CUX2: variants seen among roughly 807,000 people sequenced by gnomAD.
CUX2 encodes the protein cut like homeobox 2.
Under a neutral mutation model 144.8 loss-of-function variants are expected in CUX2, and 40 were observed. That is an observed-to-expected ratio of 0.28 (90% CI 0.21 to 0.36). CUX2 has a LOEUF of 0.36. CUX2 is among the 10% of genes least tolerant of loss of function. CUX2 has a pLI of 1.00. For missense variants in CUX2, 1,615 were observed against 1,994.0 expected (o/e 0.81, Z 3.62); for synonymous variants, 827 against 875.6 (o/e 0.94, Z 0.98).
chr12:111,081,736 G>A (rs996604402), intron 1 of CUX2, among the ~76,000 whole-genome samples: 3 of 152,204 alleles, frequency 2.0e-5, no homozygotes, highest in Non-Finnish European at 4.4e-5. Flanking sequence ...CTGTGGTGGT[G>A]ACCAGCCACT....
chr12:111,110,983 G>C (rs1465410976), intron 1 of CUX2, among the ~76,000 whole-genome samples: 2 of 152,194 alleles, frequency 1.3e-5, no homozygotes, highest in Non-Finnish European at 2.9e-5. Context: ...GGTGCCTCTT[G>C]CCAGAGAAAC....
intron 4 of CUX2, among the ~76,000 whole-genome samples, chr12:111,268,277 T>C (rs1884478448): frequency 6.6e-6 from 1 of 151,430 alleles, no homozygotes; most frequent in Non-Finnish European, 1.5e-5. Flanking sequence ...CAGGTTGAAG[T>C]ACAGTGGTGC....
At chr12:111,075,505 C>T (rs991440472) in intron 1 of CUX2, among the ~76,000 whole-genome samples, 3 of 152,030 alleles carry the variant, frequency 2.0e-5, no homozygotes, top group Non-Finnish European at 2.9e-5. Flanking sequence ...GTGCCTTCCC[C>T]GGCAATGGGT....
At chr12:111,122,501 C>G (rs1874752064) in intron 1 of CUX2, among the ~76,000 whole-genome samples, 1 of 152,124 alleles carries the variant, frequency 6.6e-6, no homozygotes, top group Non-Finnish European at 1.5e-5. Context: ...CTGGGAGATG[C>G]AAAGATAAAA....
At chr12:111,219,983 A>G (rs1177624791) in intron 3 of CUX2, among the ~76,000 whole-genome samples, 3 of 152,090 alleles carry the variant, frequency 2.0e-5, no homozygotes, top group Non-Finnish European at 4.4e-5. Flanking sequence ...AACTCTATTA[A>G]AAATACAAAA....
At chr12:111,225,467 G>A (rs1046158844) in intron 3 of CUX2, among the ~76,000 whole-genome samples, 10 of 152,210 alleles carry the variant, frequency 6.6e-5, no homozygotes, top group African/African-American at 1.9e-4. Context: ...TCTCAGCAAC[G>A]CAGCCAGGAA....
intron 1 of CUX2, among the ~76,000 whole-genome samples, chr12:111,188,438 C>T (rs1391660756): frequency 6.6e-6 from 1 of 152,128 alleles, no homozygotes; most frequent in Non-Finnish European, 1.5e-5. Flanking sequence ...GTGCAGAGCT[C>T]TGTGAAGGAA....
At chr12:111,148,377 G>A (rs772249332) in intron 1 of CUX2, among the ~76,000 whole-genome samples, 6 of 152,040 alleles carry the variant, frequency 3.9e-5, no homozygotes, top group Non-Finnish European at 7.4e-5. Context: ...GGCGGGTGGC[G>A]GGGAAGAATG....
At chr12:111,154,304 C>T (rs1004459559) in intron 1 of CUX2, among the ~76,000 whole-genome samples, 10 of 152,142 alleles carry the variant, frequency 6.6e-5, no homozygotes, top group African/African-American at 1.2e-4. Context: ...ATGTGCCTGA[C>T]GTGTGCATCC....
intron 18 of CUX2, among the ~76,000 whole-genome samples, chr12:111,333,250 G>A (rs1888197644): frequency 6.6e-6 from 1 of 152,026 alleles, no homozygotes; most frequent in South Asian, 2.1e-4. Context: ...CAGGCATGAT[G>A]ATGCACACCT....
chr12:111,198,356 T>C (rs1006290084), intron 1 of CUX2, among the ~76,000 whole-genome samples: 4 of 151,824 alleles, frequency 2.6e-5, no homozygotes, highest in Non-Finnish European at 5.9e-5. Flanking sequence ...ACACCTGTAA[T>C]CCTAGCTACT....
chr12:111,306,510 A>G (rs1430972032), intron 10 of CUX2, among the ~76,000 whole-genome samples: 7 of 152,138 alleles, frequency 4.6e-5, no homozygotes, highest in Admixed American at 4.6e-4. Flanking sequence ...AGAGCCGCCC[A>G]TAACGTGGTC....
chr12:111,330,246 G>A (rs1488648293), intron 18 of CUX2, among the ~76,000 whole-genome samples: 1 of 152,122 alleles, frequency 6.6e-6, no homozygotes, highest in Non-Finnish European at 1.5e-5. Context: ...GGAGTACTCA[G>A]GGATCCTGGC....
intron 3 of CUX2, among the ~76,000 whole-genome samples, chr12:111,247,113 G>C (rs979624372): frequency 6.6e-6 from 1 of 152,134 alleles, no homozygotes; most frequent in African/African-American, 2.4e-5. Context: ...TTGTGCCCAA[G>C]GCCACAAAGA....
At chr12:111,042,371 T>C (rs1869790180) in intron 1 of CUX2, among the ~76,000 whole-genome samples, 1 of 152,114 alleles carries the variant, frequency 6.6e-6, no homozygotes, top group Non-Finnish European at 1.5e-5. Context: ...TGCCTGTGAG[T>C]GTCTGTCATC....
rs116152863 is a variant in CUX2 at position 111,200,693 on chromosome 12, G to C, written c.64-13507G>C. ...CCCCAAAAGAATAGCCATGATGTAC[G>C]TATAGGATGCAGCCAAATTTGGGGT... On this transcript the variant is annotated intron_variant, in intron 1 of 21. Coordinates refer to ENST00000261726, the MANE Select transcript of CUX2 (RefSeq NM_015267.4). Among the ~76,000 whole-genome samples the C allele has an allele frequency of 8.6e-3, 1,302 of 152,248 alleles. 20 individuals are homozygous for C. The highest frequency in any genetic ancestry group is 0.03 in the African/African-American group (1,252 of 41,536).
At chr12:111,060,693 G>A (rs1055566625) in intron 1 of CUX2, among the ~76,000 whole-genome samples, 1 of 152,198 alleles carries the variant, frequency 6.6e-6, no homozygotes, top group Non-Finnish European at 1.5e-5. Flanking sequence ...ATACTGAGAC[G>A]AGCAAATTCC....
rs1444851812 is a variant in CUX2, at chr12:111,077,052, T to C, written c.63+42812T>C. Among the ~76,000 whole-genome samples the C allele has an allele frequency of 6.6e-6, 1 of 152,226 alleles. No individual in the cohort carries two copies. Among genetic ancestry groups the C allele is most frequent in the African/African-American group, 2.4e-5 (1 of 41,466 alleles). ...GTCCCATTGCAACAGAGCTATTCCT[T>C]GCACGAGGAGGTAAAATATTTGAAC... On this transcript the variant is annotated intron_variant, in intron 1 of 21. Transcript: ENST00000261726. The surrounding 1 kb of genome is among the most constrained non-coding windows in gnomAD (Gnocchi z 4.1).
chr12:111,250,590 T>C (rs1221841929), intron 3 of CUX2, among the ~76,000 whole-genome samples: 1 of 152,242 alleles, frequency 6.6e-6, no homozygotes, highest in Non-Finnish European at 1.5e-5. Flanking sequence ...CTTCGGAGGC[T>C]GAGCCTTGGG....
Sources: gnomAD v4.1 joint callset for allele counts (sites outside exome capture counted in the v4.1 genomes callset) on GRCh38, gnomAD v4.1.1 for gene constraint, Gnocchi (gnomAD v3.1) non-coding constraint, MANE v1.5 for transcripts, NCBI Gene and HGNC (gene_info 2026-07-23, HGNC 2026-07-21) for gene names.